RALA: variants seen among roughly 807,000 people sequenced by gnomAD.
The protein encoded by RALA is ras-related protein Ral-A.
RALA carries 5 observed loss-of-function variants against 24.0 expected under a neutral mutation model. The ratio of observed to expected loss-of-function variants is 0.21; its 90% CI spans 0.11 to 0.44. The LOEUF is 0.44. Among genes scored for constraint, RALA ranks in the 20% least tolerant of loss-of-function variants. The probability of loss-of-function intolerance (pLI) is 0.99; values close to 1 mark genes in which losing one functional copy is unlikely to be tolerated. For synonymous variants in RALA, 77 were observed against 83.8 expected (o/e 0.92, Z 0.44); for missense variants, 95 against 241.2 (o/e 0.39, Z 4.01).
chr7:39,692,603 A>G (rs1056644703), intron 3 of RALA, among the ~76,000 whole-genome samples: 3 of 152,136 alleles, frequency 2.0e-5, no homozygotes, highest in Non-Finnish European at 2.9e-5. Flanking sequence ...AGTAAAACCA[A>G]TCTATTAACT....
Position 39,623,699 on chromosome 7 carries a change from C to A in RALA, c.-164C>A. On this transcript the variant is annotated 5_prime_UTR_variant, in exon 1 of 5. Transcript: ENST00000005257. The surrounding 1 kb of genome is among the most constrained non-coding windows in gnomAD (Gnocchi z 4.9). Reference sequence around the variant, plus strand: ...CCGCCCAGGCTCCCCCGCCACCCGTCAGACTCCTCCTTCGACCGCTCCCGG... The same window carrying A: ...CCGCCCAGGCTCCCCCGCCACCCGTAAGACTCCTCCTTCGACCGCTCCCGG... 2 of 156,012 alleles carry A rather than the reference C, an allele frequency of 1.3e-5. No individual in the cohort carries two copies. The highest frequency in any genetic ancestry group is 3.6e-4 in the South Asian group (2 of 5,532). The allele number at this position is 156,012 out of a possible 1,614,324, so 9.7% of individuals were successfully genotyped here.
chr7:39,670,161 G>A (rs1445090609), intron 1 of RALA, among the ~76,000 whole-genome samples: 1 of 152,146 alleles, frequency 6.6e-6, no homozygotes, highest in Non-Finnish European at 1.5e-5. Flanking sequence ...TATTATTTTT[G>A]TAGAGACAGG....
intron 1 of RALA, among the ~76,000 whole-genome samples, chr7:39,654,498 C>T (rs1156554895): frequency 6.6e-6 from 1 of 152,108 alleles, no homozygotes; most frequent in Non-Finnish European, 1.5e-5. Flanking sequence ...CAGTCTGTGA[C>T]TTATCCTTTC....
At chr7:39,628,849 C>T (rs1227688530) in intron 1 of RALA, among the ~76,000 whole-genome samples, 7 of 152,194 alleles carry the variant, frequency 4.6e-5, no homozygotes, top group Admixed American at 4.6e-4. Flanking sequence ...GCAACCATGC[C>T]TGGCCAGTTT....
At chr7:39,694,176 C>G (rs1711817398) in intron 3 of RALA, among the ~76,000 whole-genome samples, 1 of 152,170 alleles carries the variant, frequency 6.6e-6, no homozygotes, top group African/African-American at 2.4e-5. Context: ...AGGGCTATGT[C>G]TTATGATATG....
chr7:39,675,497 C>A (rs1792468212), intron 1 of RALA, among the ~76,000 whole-genome samples: 1 of 152,126 alleles, frequency 6.6e-6, no homozygotes, highest in South Asian at 2.1e-4. Context: ...ACATGGAGGC[C>A]TAGGCGGGAG....
At chr7:39,661,848 A>G (rs952883021) in intron 1 of RALA, among the ~76,000 whole-genome samples, 1 of 152,148 alleles carries the variant, frequency 6.6e-6, no homozygotes, top group Non-Finnish European at 1.5e-5. Context: ...CTTCAACCCC[A>G]CATTTCCCTT....
At chr7:39,631,885 C>T (rs1278643680) in intron 1 of RALA, among the ~76,000 whole-genome samples, 2 of 152,136 alleles carry the variant, frequency 1.3e-5, no homozygotes, top group East Asian at 1.9e-4. Flanking sequence ...GTTTGGCTTA[C>T]GGTTCTGCAG....
At position 39,706,341 on chromosome 7, in the gene RALA, A is replaced by G. The variant is rs376464706; in HGVS notation, c.*96A>G. On this transcript the variant is annotated 3_prime_UTR_variant, in exon 5 of 5. Transcript: ENST00000005257. ...CTTAATTGACTGAAATTACTTTAAC[A>G]TTTTGGAAATTGTTGTATATCACTA... is the stretch of plus-strand genomic sequence containing the variant. The G allele has an allele frequency of 2.9e-5, 40 of 1,362,488 alleles. No homozygotes were observed. The African/African-American group carries it at 4.3e-4, about 15-fold the overall frequency. The allele number at this position is 1,362,488 out of a possible 1,614,324, so 84.4% of individuals were successfully genotyped here.
intron 1 of RALA, among the ~76,000 whole-genome samples, chr7:39,686,379 C>G (rs1792704994): frequency 6.6e-6 from 1 of 152,150 alleles, no homozygotes; most frequent in Non-Finnish European, 1.5e-5. Context: ...CACTTTTGAT[C>G]ATAGCTCATT....
intron 1 of RALA, among the ~76,000 whole-genome samples, chr7:39,685,322 G>A (rs959473610): frequency 1.3e-5 from 2 of 152,198 alleles, no homozygotes; most frequent in South Asian, 2.1e-4. Context: ...GAAGGAGACC[G>A]TTGTGGGTCT....
At chr7:39,628,770 T>C (rs1650037283) in intron 1 of RALA, among the ~76,000 whole-genome samples, 1 of 152,024 alleles carries the variant, frequency 6.6e-6, no homozygotes, top group Admixed American at 6.5e-5. Context: ...CTGGCCAGGC[T>C]GGTCTCGAAC....
intron 1 of RALA, among the ~76,000 whole-genome samples, chr7:39,677,921 T>G: frequency 6.9e-6 from 1 of 145,804 alleles, no homozygotes; most frequent in Admixed American, 7.0e-5. Flanking sequence ...CTTGTAAATT[T>G]GTTTGAGTTC....
At position 39,671,503 on chromosome 7, in the gene RALA, T is replaced by G. The variant is rs1792386960; in HGVS notation, c.-37-15128T>G. The stretch of plus-strand genomic sequence containing the variant: ...TCTAAAAAGACGCCTGAATATTTGT[T>G]ACGCTTTATTGAATAATTATTTAGG... On this transcript the variant is annotated intron_variant, in intron 1 of 4. Coordinates refer to ENST00000005257, the MANE Select transcript of RALA (RefSeq NM_005402.4). Among the ~76,000 whole-genome samples, 3 of 152,182 alleles carry G rather than the reference T, an allele frequency of 2.0e-5. No individual in the cohort carries two copies. In the South Asian group the frequency reaches 6.2e-4, roughly 31 times the overall value.
intron 4 of RALA, chr7:39,697,500 A>C: frequency 2.2e-6 from 1 of 456,162 alleles, no homozygotes; most frequent in Non-Finnish European, 4.4e-6. Context: ...AAGACTGCTC[A>C]CTGGGCTGAG....
rs560852223 is a variant in RALA, at chr7:39,647,262, C to T, written c.-38+23437C>T. 1.2e-4 allele frequency among the ~76,000 whole-genome samples: 18 copies of T among 152,212 alleles called. No homozygotes were observed. The East Asian group carries it at 3.1e-3, about 26-fold the overall frequency. On this transcript the variant is annotated intron_variant, in intron 1 of 4. Coordinates refer to ENST00000005257, the MANE Select transcript of RALA (RefSeq NM_005402.4). ...TTTGCCATGTTGCCCAGGCTGGTCT[C>T]GAACTCCTGCGCTCAAGTGGTACAC...
chr7:39,658,401 T>C (rs927571672), intron 1 of RALA, among the ~76,000 whole-genome samples: 1 of 152,206 alleles, frequency 6.6e-6, no homozygotes, highest in Admixed American at 6.5e-5. Context: ...AGTAGTATGT[T>C]CAGTCTGTTG....
At chr7:39,677,393 T>C (rs1011752021) in intron 1 of RALA, among the ~76,000 whole-genome samples, 27 of 140,790 alleles carry the variant, frequency 1.9e-4, no homozygotes, top group African/African-American at 7.3e-4. Context: ...CTCATCATTT[T>C]TTATGGCTGC....
chr7:39,656,020 T>G (rs1221484460), intron 1 of RALA, among the ~76,000 whole-genome samples: 1 of 152,212 alleles, frequency 6.6e-6, no homozygotes, highest in Non-Finnish European at 1.5e-5. Context: ...TGAACTTACA[T>G]AAAAAGGCAG....
Sources: gnomAD v4.1 joint callset for allele counts (sites outside exome capture counted in the v4.1 genomes callset) on GRCh38, gnomAD v4.1.1 for gene constraint, Gnocchi (gnomAD v3.1) non-coding constraint, MANE v1.5 for transcripts, NCBI Gene and HGNC (gene_info 2026-07-23, HGNC 2026-07-21) for gene names.